Variants in GPC6 observed in about 807,000 individuals in gnomAD.
GPC6 encodes glypican 6.
In GPC6, 14 loss-of-function variants were observed where a neutral mutation model predicts 55.2. The ratio of observed to expected loss-of-function variants is 0.25; its 90% confidence interval spans 0.17 to 0.40. GPC6 has a LOEUF of 0.40. GPC6 is among the 10% of genes least tolerant of loss of function. The probability of loss-of-function intolerance (pLI) is 1.00; values close to 1 mark genes in which losing one functional copy is unlikely to be tolerated. For synonymous variants in GPC6, 278 were observed against 259.6 expected (o/e 1.07, Z -0.68); for missense variants, 641 against 708.5 (o/e 0.90, Z 1.08).
chr13:93,788,545 CTTG>C (rs1885888734), intron 2 of GPC6, among the ~76,000 whole-genome samples: 1 of 84,070 alleles, frequency 1.2e-5, no homozygotes, highest in African/African-American at 4.1e-5. Flanking sequence ...ACACACACAC[CTTG>C]TCTGCTTGAC....
chr13:93,218,324 G>T, the GPC6 span, among the ~76,000 whole-genome samples: 1 of 152,090 alleles, frequency 6.6e-6, no homozygotes, highest in East Asian at 1.9e-4. Flanking sequence ...GTTATATGAA[G>T]CTAAATACAA....
At chr13:93,974,513 A>T (rs1259791615) in intron 3 of GPC6, among the ~76,000 whole-genome samples, 1 of 152,214 alleles carries the variant, frequency 6.6e-6, no homozygotes, top group Non-Finnish European at 1.5e-5. Flanking sequence ...ACAAATCTTA[A>T]TAATTAAGTT....
At chr13:93,949,083 G>A (rs556130345) in intron 3 of GPC6, among the ~76,000 whole-genome samples, 109 of 152,198 alleles carry the variant, frequency 7.2e-4, no homozygotes, top group African/African-American at 2.5e-3. Context: ...GGTCTTCTGC[G>A]TTGTTGGGAA....
At chr13:94,346,828 T>G (rs1878316397) in intron 6 of GPC6, among the ~76,000 whole-genome samples, 1 of 151,384 alleles carries the variant, frequency 6.6e-6, no homozygotes, top group Admixed American at 6.6e-5. Context: ...GAAGGAGGGA[T>G]GAGACTAAGC....
intron 3 of GPC6, among the ~76,000 whole-genome samples, chr13:93,873,519 G>T (rs148996695): frequency 1.3e-5 from 2 of 151,720 alleles, no homozygotes; most frequent in South Asian, 2.1e-4. Flanking sequence ...CAACCTGAAG[G>T]GTGCTATTGG....
chr13:93,467,288 A>G (rs1211341128), intron 1 of GPC6, among the ~76,000 whole-genome samples: 1 of 152,220 alleles, frequency 6.6e-6, no homozygotes, highest in Non-Finnish European at 1.5e-5. Flanking sequence ...TATACTGGGA[A>G]GAATTATAAA....
intron 1 of GPC6, among the ~76,000 whole-genome samples, chr13:93,485,955 T>G (rs1879696088): frequency 6.6e-6 from 1 of 152,036 alleles, no homozygotes; most frequent in Non-Finnish European, 1.5e-5. Flanking sequence ...AAACTTGGAA[T>G]TAAGAAGAGA....
intron 7 of GPC6, among the ~76,000 whole-genome samples, chr13:94,385,057 T>C (rs1279532422): frequency 1.3e-5 from 2 of 152,114 alleles, no homozygotes; most frequent in South Asian, 2.1e-4. Context: ...CTAGCCAAGA[T>C]ACAGAAACCC....
intron 2 of GPC6, among the ~76,000 whole-genome samples, chr13:93,690,859 T>A (rs1418399925): frequency 6.6e-6 from 1 of 152,072 alleles, no homozygotes; most frequent in Non-Finnish European, 1.5e-5. Flanking sequence ...ATCTGCAGCA[T>A]TTTTTTCTTT....
At chr13:93,791,042 C>G (rs911175257) in intron 2 of GPC6, among the ~76,000 whole-genome samples, 2 of 152,108 alleles carry the variant, frequency 1.3e-5, no homozygotes, top group African/African-American at 4.8e-5. Context: ...TCAACCGTTC[C>G]CCCTACCCCA....
chr13:94,105,520 A>G (rs1886022057), intron 4 of GPC6, among the ~76,000 whole-genome samples: 1 of 152,216 alleles, frequency 6.6e-6, no homozygotes, highest in Non-Finnish European at 1.5e-5. Context: ...GAGAAGTCAA[A>G]GCCAAAAATG....
intron 2 of GPC6, among the ~76,000 whole-genome samples, chr13:93,678,353 A>G (rs1455157210): frequency 1.3e-5 from 2 of 152,194 alleles, no homozygotes; most frequent in Non-Finnish European, 2.9e-5. Flanking sequence ...AGACTTGGAT[A>G]CTTCCAGTAT....
chr13:93,460,557 C>A (rs143125574), intron 1 of GPC6, among the ~76,000 whole-genome samples: 146 of 152,132 alleles, frequency 9.6e-4, no homozygotes, highest in African/African-American at 3.2e-3. Context: ...CATAACATAG[C>A]ACTAATATAA....
chr13:93,504,874 C>T (rs1389274841), intron 1 of GPC6, among the ~76,000 whole-genome samples: 2 of 152,116 alleles, frequency 1.3e-5, no homozygotes, highest in African/African-American at 4.8e-5. Flanking sequence ...TTATTTGTTC[C>T]TGTTCATATT....
intron 2 of GPC6, among the ~76,000 whole-genome samples, chr13:93,718,389 G>C (rs750649244): frequency 5.3e-5 from 8 of 151,540 alleles, no homozygotes; most frequent in Non-Finnish European, 7.4e-5. Flanking sequence ...TGTTTGTTGG[G>C]TGCCTAAATG....
intron 7 of GPC6, among the ~76,000 whole-genome samples, chr13:94,389,308 C>A (rs887473122): frequency 6.6e-6 from 1 of 152,014 alleles, no homozygotes; most frequent in African/African-American, 2.4e-5. Context: ...ATCAGTCATC[C>A]CTGAGAAGGG....
chr13:94,030,988 A>G (rs978874693), intron 4 of GPC6, among the ~76,000 whole-genome samples: 1 of 152,144 alleles, frequency 6.6e-6, no homozygotes, highest in African/African-American at 2.4e-5. Context: ...TCCAACCACT[A>G]CTGAAGTTCT....
At chr13:93,728,480 A>T (rs914018426) in intron 2 of GPC6, among the ~76,000 whole-genome samples, 4 of 150,856 alleles carry the variant, frequency 2.7e-5, no homozygotes, top group African/African-American at 9.7e-5. Context: ...GGCTCAAGTG[A>T]TCAACCCACT....
At chr13:93,754,561 T>C (rs991367492) in intron 2 of GPC6, among the ~76,000 whole-genome samples, 15 of 152,030 alleles carry the variant, frequency 9.9e-5, no homozygotes, top group African/African-American at 3.6e-4. Flanking sequence ...AAGGGTACCC[T>C]TTATTCCAAA....
Sources: allele counts gnomAD v4.1 joint callset (sites outside exome capture counted in the v4.1 genomes callset), GRCh38; gene constraint gnomAD v4.1.1; transcripts MANE v1.5; gene names NCBI Gene and HGNC (gene_info 2026-07-23, HGNC 2026-07-21).